GAPVD1: variants seen among roughly 807,000 people sequenced by gnomAD.
The protein encoded by GAPVD1 is GTPase activating protein and VPS9 domains 1.
GAPVD1 carries 35 observed loss-of-function variants against 155.5 expected under a neutral mutation model. The ratio of observed to expected loss-of-function variants is 0.23; its 90% CI spans 0.17 to 0.30. The LOEUF is 0.30. Ranked by LOEUF, GAPVD1 falls within the 10% of genes least tolerant of loss-of-function variation. GAPVD1 has a pLI of 1.00. For synonymous variants in GAPVD1, 636 were observed against 619.7 expected (o/e 1.03, Z -0.39); for missense variants, 1,429 against 1,775.7 (o/e 0.80, Z 3.51).
intron 26 of GAPVD1, 118 bp from the exon 27 acceptor site, chr9:125,360,410 C>G: frequency 1.4e-6 from 1 of 706,490 alleles, no homozygotes; most frequent in East Asian, 2.6e-5. Context: ...ATGGTTTTAC[C>G]AAAGAGAGGA....
At chr9:125,333,646 G>A (rs1381623856) in intron 15 of GAPVD1, among the ~76,000 whole-genome samples, 2 of 151,840 alleles carry the variant, frequency 1.3e-5, no homozygotes, top group African/African-American at 4.8e-5. Context: ...GTGCCACCAC[G>A]CCCAGCTAAT....
chr9:125,264,740 A>T (rs1446466592), intron 1 of GAPVD1, among the ~76,000 whole-genome samples: 4 of 146,278 alleles, frequency 2.7e-5, no homozygotes, highest in African/African-American at 1.0e-4. Flanking sequence ...TTTTTCTGAG[A>T]TGGAGTCTCA....
At chr9:125,302,868 A>G in intron 5 of GAPVD1, 42 bp downstream of exon 5, 1 of 1,543,098 alleles carries the variant, frequency 6.5e-7, no homozygotes, top group Non-Finnish European at 8.7e-7. Context: ...TTTAGTTTAA[A>G]ATTCAGTTGA....
At chr9:125,331,788 A>G in intron 13 of GAPVD1, 138 bp from the exon 14 acceptor site, 2 of 707,054 alleles carry the variant, frequency 2.8e-6, no homozygotes, top group South Asian at 1.8e-5. Flanking sequence ...AACTAGCATT[A>G]ACTAGTCCAG....
intron 8 of GAPVD1, 49 bp from the exon 9 acceptor site, chr9:125,312,400 TTTC>T (rs1255478159): frequency 8.4e-7 from 1 of 1,185,382 alleles, no homozygotes; most frequent in Non-Finnish European, 1.2e-6. Context: ...AGCATACCAT[TTTC>T]TTCATTTGTC....
At chr9:125,292,332 A>G (rs1838740022) in intron 2 of GAPVD1, among the ~76,000 whole-genome samples, 1 of 152,078 alleles carries the variant, frequency 6.6e-6, no homozygotes, top group African/African-American at 2.4e-5. Context: ...GGAAGTTCTG[A>G]CTTTATTATG....
intron 9 of GAPVD1, among the ~76,000 whole-genome samples, chr9:125,314,421 C>T (rs965868516): frequency 6.6e-6 from 1 of 152,056 alleles, no homozygotes; most frequent in Non-Finnish European, 1.5e-5. Flanking sequence ...TTTGGGAGGC[C>T]GAGGTGGGTG....
chr9:125,296,025 A>C (rs894339759), intron 3 of GAPVD1, among the ~76,000 whole-genome samples: 2 of 152,210 alleles, frequency 1.3e-5, no homozygotes, highest in African/African-American at 4.8e-5. Flanking sequence ...AAAATTTCTA[A>C]CATACAAAAA....
intron 12 of GAPVD1, among the ~76,000 whole-genome samples, chr9:125,328,212 A>C (rs1006700395): frequency 9.1e-6 from 1 of 110,358 alleles, no homozygotes; most frequent in African/African-American, 3.5e-5. Context: ...TTTTAAATTT[A>C]TTTTTTTATT....
chr9:125,262,473 G>T (rs905667138), intron 1 of GAPVD1, among the ~76,000 whole-genome samples: 1 of 152,168 alleles, frequency 6.6e-6, no homozygotes, highest in African/African-American at 2.4e-5. Context: ...AAGTGAGGGA[G>T]CTGTTGGTTG....
chr9:125,331,835 C>G (rs1262328546), intron 13 of GAPVD1, 91 bp from the exon 14 acceptor site: 1 of 1,139,234 alleles, frequency 8.8e-7, no homozygotes, highest in East Asian at 2.4e-5. Flanking sequence ...TATTCATGCC[C>G]TGGTAGCTTT....
Position 125,350,824 on chromosome 9 carries a change from A to G in GAPVD1, c.3521A>G (p.Asp1174Gly). 6.2e-7 allele frequency: 1 copy of G among 1,613,934 alleles called. No individual in the cohort carries two copies. The highest frequency in any genetic ancestry group is 8.5e-7 in the Non-Finnish European group (1 of 1,179,816). The change falls in exon 23 of 28, where the codon GAT becomes GGT. Residue 1174 changes from aspartate to glycine, a missense_variant. Around this residue, in one of 4 missense-constraint regions of GAPVD1, gnomAD observed 699 missense variants for 826.0 expected, o/e 0.85. Coordinates refer to ENST00000297933, the MANE Select transcript of GAPVD1 (RefSeq NM_001282680.3). ...QETMRCVCRFDNRTCRKLLAS... is the reference protein window; with the variant it reads ...QETMRCVCRFGNRTCRKLLAS... ...ACAATGCGCTGTGTGTGCCGTTTTG[A>G]TAATAGGACTTGTAGGAAACTGCTG... is the stretch of plus-strand genomic sequence containing the variant.
Position 125,359,326 on chromosome 9 carries a change from A to C in GAPVD1, c.3972-94A>C, listed in dbSNP as rs1850590773. ...TAGCTGTAATCCATATCTAGTCAAC[A>C]TGTTTCACGTGTTTTGTAAAAATCA... On this transcript the variant is annotated intron_variant, in intron 25 of 27. Coordinates refer to ENST00000297933, the MANE Select transcript of GAPVD1 (RefSeq NM_001282680.3). 4 of 771,310 alleles carry C rather than the reference A, an allele frequency of 5.2e-6. No individual in the cohort carries two copies. The South Asian group carries it at 5.6e-5, about 11-fold the overall frequency. 47.8% of individuals were successfully genotyped at this position (771,310 alleles called of 1,614,324 possible).
chr9:125,328,016 CT>C (rs1399930082), intron 12 of GAPVD1, among the ~76,000 whole-genome samples: 2 of 151,934 alleles, frequency 1.3e-5, no homozygotes, highest in African/African-American at 2.4e-5. Context: ...TAAAAGGTAA[CT>C]TTTATTAGTA....
chr9:125,332,582 G>C lies in GAPVD1; in HGVS notation c.2381G>C (p.Gly794Ala), dbSNP rs2131832732. The C allele has an allele frequency of 6.2e-7, 1 of 1,608,814 alleles. No individual in the cohort carries two copies. Among genetic ancestry groups the C allele is most frequent in the African/African-American group, 1.3e-5 (1 of 74,886 alleles). Residue 794 changes from glycine to alanine, a missense_variant, in exon 15 of 28, where the codon GGG (glycine) becomes GCG (alanine). Around this residue, in one of 4 missense-constraint regions of GAPVD1, gnomAD observed 699 missense variants for 826.0 expected, o/e 0.85. Coordinates refer to ENST00000297933, the MANE Select transcript of GAPVD1 (RefSeq NM_001282680.3). Reference sequence around the variant, plus strand: ...AGATCTGAGTGCAGCTCTGATTTTGGGGGTAAAGATTCTGTCACTAGTCCA... The same window carrying C: ...AGATCTGAGTGCAGCTCTGATTTTGCGGGTAAAGATTCTGTCACTAGTCCA... ...DLRSECSSDF[G>A]GKDSVTSPDM...
At chr9:125,313,000 A>G (rs1477250627) in intron 9 of GAPVD1, among the ~76,000 whole-genome samples, 1 of 152,064 alleles carries the variant, frequency 6.6e-6, no homozygotes, top group Non-Finnish European at 1.5e-5. Context: ...TTGTATTTTT[A>G]GTAGAGACAG....
chr9:125,270,089 G>GA (rs1834645650), intron 2 of GAPVD1, among the ~76,000 whole-genome samples: 2 of 152,018 alleles, frequency 1.3e-5, no homozygotes, highest in South Asian at 4.1e-4. Context: ...ATAAGTTTTA[G>GA]GCACCTAGCT....
At chr9:125,325,530 A>AC (rs1564397271) in intron 11 of GAPVD1, among the ~76,000 whole-genome samples, 5 of 151,720 alleles carry the variant, frequency 3.3e-5, no homozygotes, top group Admixed American at 2.0e-4. Flanking sequence ...AAAAAAAAAA[A>AC]AAAAAAAAAG....
At chr9:125,264,978 C>A (rs1564231893) in intron 1 of GAPVD1, among the ~76,000 whole-genome samples, 1 of 152,138 alleles carries the variant, frequency 6.6e-6, no homozygotes, top group Non-Finnish European at 1.5e-5. Flanking sequence ...CTTGGCCCCC[C>A]AGAGTGCTAG....
Sources: allele counts gnomAD v4.1 joint callset (sites outside exome capture counted in the v4.1 genomes callset), GRCh38; gene constraint gnomAD v4.1.1; regional missense constraint gnomAD v4.1.1; transcripts MANE v1.5; gene names NCBI Gene and HGNC (gene_info 2026-07-23, HGNC 2026-07-21).